ITPR1: variants seen among roughly 807,000 people sequenced by gnomAD.
ITPR1 encodes inositol 1,4,5-trisphosphate receptor type 1.
A neutral mutation model predicts 318.4 loss-of-function variants in ITPR1; 96 were observed. The ratio of observed to expected loss-of-function variants is 0.30; its 90% confidence interval spans 0.26 to 0.36. The LOEUF (loss-of-function observed/expected upper bound fraction) is 0.36. Ranked by LOEUF, ITPR1 falls within the 10% of genes least tolerant of loss-of-function variation. The probability of loss-of-function intolerance (pLI) is 1.00; values close to 1 mark genes in which losing one functional copy is unlikely to be tolerated. For synonymous variants in ITPR1, 1,312 were observed against 1,289.9 expected (o/e 1.02, Z -0.37); for missense variants, 2,440 against 3,460.2 (o/e 0.71, Z 7.40).
At chr3:4,685,587 A>T (rs565576349) in intron 30 of ITPR1, among the ~76,000 whole-genome samples, 1 of 152,268 alleles carries the variant, frequency 6.6e-6, no homozygotes, top group Non-Finnish European at 1.5e-5. Flanking sequence ...TATTAAGTGC[A>T]TGTAGGAACA....
intron 42 of ITPR1, among the ~76,000 whole-genome samples, chr3:4,727,897 C>T (rs2042635643): frequency 6.6e-6 from 1 of 152,138 alleles, no homozygotes. Context: ...TTAATATTTC[C>T]TTCTACCTAT....
intron 24 of ITPR1, among the ~76,000 whole-genome samples, chr3:4,679,810 G>A (rs1215936157): frequency 6.6e-6 from 1 of 152,338 alleles, no homozygotes; most frequent in East Asian, 1.9e-4. Flanking sequence ...CCAACAGTCT[G>A]TAGGACACAT....
chr3:4,648,407 T>A (rs1300643510), intron 10 of ITPR1, among the ~76,000 whole-genome samples: 1 of 152,222 alleles, frequency 6.6e-6, no homozygotes, highest in Non-Finnish European at 1.5e-5. Flanking sequence ...TTAACAATTA[T>A]GTCTTCAGAG....
At chr3:4,680,785 A>G in intron 25 of ITPR1, 94 bp downstream of exon 25, 1 of 1,190,530 alleles carries the variant, frequency 8.4e-7, no homozygotes, top group Non-Finnish European at 1.2e-6. Context: ...AAAAGGGTGA[A>G]AATGGTTTTG....
chr3:4,678,516 C>G (rs889370280), intron 24 of ITPR1, among the ~76,000 whole-genome samples: 1 of 152,140 alleles, frequency 6.6e-6, no homozygotes, highest in Non-Finnish European at 1.5e-5. Context: ...ACCATGTGCA[C>G]TGTGAGGAAT....
intron 4 of ITPR1, among the ~76,000 whole-genome samples, chr3:4,567,795 G>C (rs539731639): frequency 6.6e-6 from 1 of 152,204 alleles, no homozygotes; most frequent in South Asian, 2.1e-4. Flanking sequence ...GTAGAGATGG[G>C]ATTTCACCAT....
intron 4 of ITPR1, among the ~76,000 whole-genome samples, chr3:4,547,182 C>T (rs972593633): frequency 2.6e-5 from 4 of 152,206 alleles, no homozygotes; most frequent in African/African-American, 9.7e-5. Context: ...CCTCACGTCC[C>T]TGATAAACTT....
chr3:4,639,317 G>T, intron 5 of ITPR1, 67 bp from the exon 6 acceptor site: 1 of 1,179,302 alleles, frequency 8.5e-7, no homozygotes, highest in Non-Finnish European at 1.2e-6. Context: ...CATTTGTTCT[G>T]CGTCACTGCA....
At chr3:4,654,717 A>G (rs1382828322) in intron 12 of ITPR1, among the ~76,000 whole-genome samples, 1 of 152,230 alleles carries the variant, frequency 6.6e-6, no homozygotes, top group Non-Finnish European at 1.5e-5. Flanking sequence ...TGAAAAAGAA[A>G]TGGAGGGATT....
At chr3:4,506,410 C>G (rs2081397292) in intron 2 of ITPR1, among the ~76,000 whole-genome samples, 1 of 152,162 alleles carries the variant, frequency 6.6e-6, no homozygotes, top group African/African-American at 2.4e-5. Context: ...GCATGACTGC[C>G]TCTATCTTGA....
chr3:4,725,512 C>T (rs2042446475), intron 40 of ITPR1, 34 bp from the exon 41 acceptor site: 1 of 1,586,028 alleles, frequency 6.3e-7, no homozygotes, highest in Non-Finnish European at 8.6e-7. Flanking sequence ...ATGCAAGTGC[C>T]ATGACTAACG....
In ITPR1 at chr3:4,612,430, A is replaced by T. The variant is rs372342105; in HGVS notation, c.164-15333A>T. ...AGGGGTGTCCTGGGCCCAATCCCCCATGGATACCAAAGGACAATGGCAGTA... is the reference window on the plus strand; with the variant it reads ...AGGGGTGTCCTGGGCCCAATCCCCCTTGGATACCAAAGGACAATGGCAGTA... On this transcript the variant is annotated intron_variant, in intron 4 of 61. Coordinates refer to ENST00000649015, the MANE Select transcript of ITPR1 (RefSeq NM_001378452.1). Among the ~76,000 whole-genome samples the T allele has an allele frequency of 2.0e-4, 30 of 152,252 alleles. No homozygotes were observed. In the East Asian group the frequency reaches 5.8e-3, roughly 29 times the overall value.
At chr3:4,842,366 TTTTGC>T (rs1325701177) in intron 61 of ITPR1, among the ~76,000 whole-genome samples, 1 of 152,202 alleles carries the variant, frequency 6.6e-6, no homozygotes, top group Non-Finnish European at 1.5e-5. Flanking sequence ...GGTTTGGGTT[TTTTGC>T]TTTGTTTTGT....
At chr3:4,642,065 T>A in intron 6 of ITPR1, 28 bp from the exon 7 acceptor site, 1 of 1,530,028 alleles carries the variant, frequency 6.5e-7, no homozygotes. Context: ...TTGCTGACAC[T>A]CACTTTATTC....
chr3:4,776,568 A>G (rs1454840697), intron 47 of ITPR1, among the ~76,000 whole-genome samples: 1 of 152,190 alleles, frequency 6.6e-6, no homozygotes, highest in Non-Finnish European at 1.5e-5. Flanking sequence ...GTTGTCTGTG[A>G]ATGTGAGAAT....
At chr3:4,501,612 G>A (rs1399446443) in intron 2 of ITPR1, among the ~76,000 whole-genome samples, 1 of 152,218 alleles carries the variant, frequency 6.6e-6, no homozygotes, top group Non-Finnish European at 1.5e-5. Flanking sequence ...TGTTCAGGCT[G>A]AAGCTGACCT....
At chr3:4,516,960 C>G (rs541732911) in intron 3 of ITPR1, among the ~76,000 whole-genome samples, 1 of 152,162 alleles carries the variant, frequency 6.6e-6, no homozygotes, top group Non-Finnish European at 1.5e-5. Context: ...AAAGGCTCTT[C>G]TTTTCAGATA....
intron 37 of ITPR1, among the ~76,000 whole-genome samples, chr3:4,709,108 T>C (rs960621164): frequency 2.0e-5 from 3 of 152,186 alleles, no homozygotes; most frequent in East Asian, 1.9e-4. Context: ...CAATAACTAT[T>C]GAAGAGAATA....
intron 5 of ITPR1, among the ~76,000 whole-genome samples, chr3:4,636,775 A>G (rs1489778345): frequency 2.6e-5 from 4 of 152,198 alleles, no homozygotes; most frequent in Non-Finnish European, 4.4e-5. Context: ...TTATTCTCCA[A>G]TGTTGTTTTA....
Sources: gnomAD v4.1 joint callset for allele counts (sites outside exome capture counted in the v4.1 genomes callset) on GRCh38, gnomAD v4.1.1 for gene constraint, MANE v1.5 for transcripts, NCBI Gene and HGNC (gene_info 2026-07-23, HGNC 2026-07-21) for gene names.